The following SYT1 variants were observed in gnomAD, a reference collection of about 807,000 sequenced individuals.
SYT1 encodes synaptotagmin-1.
SYT1 carries 8 observed loss-of-function variants against 44.8 expected under a neutral mutation model. That is an observed-to-expected ratio of 0.18 (90% CI 0.10 to 0.32). SYT1 has a LOEUF of 0.32. Among genes scored for constraint, SYT1 ranks in the 10% least tolerant of loss-of-function variants. The pLI is 1.00. For missense variants in SYT1, 286 were observed against 509.3 expected, an observed-to-expected ratio of 0.56 and a Z score of 4.22; for synonymous variants, 154 against 188.8, an observed-to-expected ratio of 0.82 and a Z score of 1.51.
chr12:79,034,873 A>G (rs532737337), intron 2 of SYT1, among the ~76,000 whole-genome samples: 2 of 151,820 alleles, frequency 1.3e-5, no homozygotes, highest in Admixed American at 1.3e-4. Flanking sequence ...TTGGTGTCTT[A>G]AAGACAGGGA....
intron 8 of SYT1, among the ~76,000 whole-genome samples, chr12:79,331,381 C>A (rs891664504): frequency 1.3e-5 from 2 of 152,282 alleles, no homozygotes; most frequent in Middle Eastern, 3.4e-3. Context: ...TCAAGGACTT[C>A]AACTGCCTAA....
At chr12:79,121,100 A>G (rs566058034) in intron 3 of SYT1, among the ~76,000 whole-genome samples, 1 of 152,198 alleles carries the variant, frequency 6.6e-6, no homozygotes, top group African/African-American at 2.4e-5. Flanking sequence ...CTGAATATAT[A>G]TATCCAGGTT....
At chr12:79,222,889 C>T (rs1875262024) in intron 4 of SYT1, among the ~76,000 whole-genome samples, 1 of 151,958 alleles carries the variant, frequency 6.6e-6, no homozygotes, top group Non-Finnish European at 1.5e-5. Context: ...CTGTTAATAC[C>T]CTCTACTGCA....
intron 1 of SYT1, among the ~76,000 whole-genome samples, chr12:78,966,339 T>A (rs1879773835): frequency 6.6e-6 from 1 of 152,110 alleles, no homozygotes; most frequent in South Asian, 2.1e-4. Flanking sequence ...TCTTATCCTC[T>A]TAACTCTAAG....
chr12:79,400,070 T>G (rs1297101746), intron 9 of SYT1, among the ~76,000 whole-genome samples: 1 of 152,192 alleles, frequency 6.6e-6, no homozygotes, highest in African/African-American at 2.4e-5. Flanking sequence ...ATGACTGGAA[T>G]ATACCTAGTC....
intron 1 of SYT1, among the ~76,000 whole-genome samples, chr12:78,941,045 CTTTT>C (rs1256032669): frequency 1.1e-5 from 1 of 87,256 alleles, no homozygotes; most frequent in South Asian, 6.5e-4. Context: ...CTTTTCTTTA[CTTTT>C]TTTTTCTTTT....
intron 3 of SYT1, among the ~76,000 whole-genome samples, chr12:79,146,377 T>G (rs1869915234): frequency 6.6e-6 from 1 of 152,228 alleles, no homozygotes; most frequent in Admixed American, 6.5e-5. Context: ...TTCCCTGTAC[T>G]GTCTCATTCA....
intron 4 of SYT1, among the ~76,000 whole-genome samples, chr12:79,269,786 G>A (rs1199744259): frequency 1.3e-5 from 2 of 151,920 alleles, no homozygotes; most frequent in Non-Finnish European, 2.9e-5. Context: ...CTGGACATAT[G>A]ATTCAAAAAA....
chr12:79,314,418 C>T (rs1592958008), intron 8 of SYT1, among the ~76,000 whole-genome samples: 2 of 152,172 alleles, frequency 1.3e-5, no homozygotes, highest in South Asian at 2.1e-4. Flanking sequence ...TGCACAAAGA[C>T]GAACCCAGTT....
At chr12:78,994,571 C>T (rs1463534688) in intron 2 of SYT1, among the ~76,000 whole-genome samples, 1 of 116,286 alleles carries the variant, frequency 8.6e-6, no homozygotes. Context: ...GAGTCTCACT[C>T]TGTCGTCAGG....
At chr12:79,209,458 G>A (rs894649233) in intron 3 of SYT1, among the ~76,000 whole-genome samples, 1 of 152,146 alleles carries the variant, frequency 6.6e-6, no homozygotes, top group African/African-American at 2.4e-5. Context: ...TGTGCAGAAG[G>A]GGAGATGCTT....
chr12:79,108,429 A>G (rs1324535075), intron 3 of SYT1, among the ~76,000 whole-genome samples: 1 of 152,044 alleles, frequency 6.6e-6, no homozygotes, highest in Non-Finnish European at 1.5e-5. Context: ...CACTGAAAAT[A>G]AGAAATTAAA....
At position 79,296,118 on chromosome 12, in the gene SYT1, G is replaced by A; in HGVS notation, c.524G>A (p.Gly175Glu). Residue 175 changes from glycine (G) to glutamate (E), a missense_variant, in exon 7 of 11, where the codon GGG (glycine) becomes GAG (glutamate). Physicochemically the swap from Gly to Glu is moderately conservative, Grantham distance 98 (BLOSUM62 -2). Around this residue, in one of 6 missense-constraint regions of SYT1, gnomAD observed 81 missense variants for 164.9 expected, o/e 0.49. Coordinates refer to ENST00000261205, the MANE Select transcript of SYT1 (RefSeq NM_005639.3). ...GCCGAACTGCCCGCCTTGGACATGG[G>A]GGGCACATCTGATCCTTACGTGAAA... ...QAAELPALDMGGTSDPYVKVF... is the reference protein window; with the variant it reads ...QAAELPALDMEGTSDPYVKVF... The A allele has an allele frequency of 6.2e-7, 1 of 1,613,574 alleles. No homozygotes were observed. The highest frequency in any genetic ancestry group is 8.5e-7 in the Non-Finnish European group (1 of 1,179,754).
intron 3 of SYT1, among the ~76,000 whole-genome samples, chr12:79,084,316 C>T (rs1292969546): frequency 1.3e-5 from 2 of 151,956 alleles, no homozygotes; most frequent in African/African-American, 4.8e-5. Flanking sequence ...GGAATAAAAA[C>T]ATAATTAGCA....
intron 2 of SYT1, among the ~76,000 whole-genome samples, chr12:79,006,901 T>C (rs1871127935): frequency 6.6e-6 from 1 of 152,184 alleles, no homozygotes; most frequent in Admixed American, 6.5e-5. Flanking sequence ...ATTATTGACT[T>C]TGGTTGATAT....
intron 3 of SYT1, among the ~76,000 whole-genome samples, chr12:79,114,781 C>A (rs537466439): frequency 6.6e-6 from 1 of 151,980 alleles, no homozygotes; most frequent in African/African-American, 2.4e-5. Flanking sequence ...GGAGAAGACC[C>A]CCCAGATTTT....
At chr12:79,231,385 A>G (rs1243915981) in intron 4 of SYT1, among the ~76,000 whole-genome samples, 2 of 152,160 alleles carry the variant, frequency 1.3e-5, no homozygotes, top group Non-Finnish European at 2.9e-5. Flanking sequence ...TTCCTCACTA[A>G]GCAACACTTT....
At chr12:79,073,499 G>A (rs1418707356) in intron 3 of SYT1, among the ~76,000 whole-genome samples, 4 of 152,080 alleles carry the variant, frequency 2.6e-5, no homozygotes, top group African/African-American at 4.8e-5. Flanking sequence ...ATACATCAGC[G>A]GGATGACCTC....
At chr12:79,260,185 A>T (rs1394141823) in intron 4 of SYT1, among the ~76,000 whole-genome samples, 4 of 152,190 alleles carry the variant, frequency 2.6e-5, no homozygotes, top group African/African-American at 9.6e-5. Context: ...TGTTTTTAAG[A>T]TTCTGTTGTT....
Sources: gnomAD v4.1 joint callset for allele counts (sites outside exome capture counted in the v4.1 genomes callset) on GRCh38, gnomAD v4.1.1 for gene constraint, gnomAD v4.1.1 regional missense constraint, MANE v1.5 for transcripts, NCBI Gene and HGNC (gene_info 2026-07-23, HGNC 2026-07-21) for gene names.